ADAMTS6: variants seen among roughly 807,000 people sequenced by gnomAD.
The protein encoded by ADAMTS6 is ADAM metallopeptidase with thrombospondin type 1 motif 6.
In ADAMTS6, 23 loss-of-function variants were observed where a neutral mutation model predicts 144.3. The ratio of observed to expected loss-of-function variants is 0.16; its 90% CI spans 0.11 to 0.23. The LOEUF (loss-of-function observed/expected upper bound fraction) is 0.23. Among genes scored for constraint, ADAMTS6 ranks in the 10% least tolerant of loss-of-function variants. The pLI is 1.00. For missense variants in ADAMTS6, 999 were observed against 1,379.6 expected, an observed-to-expected ratio of 0.72 and a Z score of 4.37; for synonymous variants, 444 against 457.5, an observed-to-expected ratio of 0.97 and a Z score of 0.38.
intron 18 of ADAMTS6, among the ~76,000 whole-genome samples, chr5:65,222,929 T>G (rs1237056096): frequency 6.6e-6 from 1 of 151,300 alleles, no homozygotes; most frequent in Non-Finnish European, 1.5e-5. Context: ...GGAGAAAATA[T>G]CCATAAAATA....
chr5:65,469,719 T>TTCCTCCATTGTGTAGTTC (rs1297816688), intron 3 of ADAMTS6, among the ~76,000 whole-genome samples: 2 of 152,262 alleles, frequency 1.3e-5, no homozygotes, highest in Non-Finnish European at 2.9e-5. Context: ...GTGAAATGTT[T>TTCCTCCATTGTGTAGTTC]TCCTCCATTG....
intron 7 of ADAMTS6, among the ~76,000 whole-genome samples, chr5:65,379,815 C>G (rs983390249): frequency 6.6e-6 from 1 of 151,908 alleles, no homozygotes; most frequent in South Asian, 2.1e-4. Context: ...TGGGATCACA[C>G]GTATGCATGT....
At chr5:65,312,838 C>G (rs1247873382) in intron 9 of ADAMTS6, among the ~76,000 whole-genome samples, 2 of 151,902 alleles carry the variant, frequency 1.3e-5, no homozygotes, top group Non-Finnish European at 2.9e-5. Flanking sequence ...GATATACTAA[C>G]ATGTTGGGGT....
intron 22 of ADAMTS6, among the ~76,000 whole-genome samples, chr5:65,179,767 A>C (rs1754220497): frequency 6.6e-6 from 1 of 152,212 alleles, no homozygotes; most frequent in African/African-American, 2.4e-5. Flanking sequence ...ACACAGATTA[A>C]TGTTAAAAGT....
At chr5:65,269,192 T>C (rs1761868893) in intron 12 of ADAMTS6, among the ~76,000 whole-genome samples, 1 of 152,258 alleles carries the variant, frequency 6.6e-6, no homozygotes, top group Non-Finnish European at 1.5e-5. Context: ...GATACTCTAG[T>C]AATATGTTAG....
intron 22 of ADAMTS6, among the ~76,000 whole-genome samples, chr5:65,187,492 A>G (rs1754742897): frequency 6.6e-6 from 1 of 152,214 alleles, no homozygotes; most frequent in South Asian, 2.1e-4. Flanking sequence ...TAAAATATAT[A>G]GATAGGTCGT....
chr5:65,405,160 A>C (rs576772707), intron 7 of ADAMTS6, among the ~76,000 whole-genome samples: 1 of 151,890 alleles, frequency 6.6e-6, no homozygotes. Context: ...TTAGATCCCA[A>C]TTGTCAATTT....
chr5:65,471,182 A>G, intron 2 of ADAMTS6, 40 bp from the exon 3 acceptor site: 2 of 1,547,052 alleles, frequency 1.3e-6, no homozygotes, highest in Non-Finnish European at 1.7e-6. Context: ...AAAAAAACAC[A>G]TGGAAGAAAA....
At chr5:65,159,495 T>G (rs1190762603) in intron 24 of ADAMTS6, among the ~76,000 whole-genome samples, 1 of 152,220 alleles carries the variant, frequency 6.6e-6, no homozygotes, top group East Asian at 1.9e-4. Flanking sequence ...CCCCTGTGAC[T>G]GCACACACTT....
intron 7 of ADAMTS6, among the ~76,000 whole-genome samples, chr5:65,442,527 C>G (rs1346795943): frequency 6.6e-6 from 1 of 152,060 alleles, no homozygotes; most frequent in Admixed American, 6.6e-5. Flanking sequence ...AAAGAAGGAA[C>G]TATCTCATAA....
chr5:65,157,183 G>A (rs1257994451), intron 24 of ADAMTS6, among the ~76,000 whole-genome samples: 1 of 152,208 alleles, frequency 6.6e-6, no homozygotes, highest in Non-Finnish European at 1.5e-5. Flanking sequence ...GGTTTTGGTA[G>A]AGTTGAATGA....
At chr5:65,207,620 A>G (rs2112285996) in intron 20 of ADAMTS6, among the ~76,000 whole-genome samples, 1 of 152,374 alleles carries the variant, frequency 6.6e-6, no homozygotes, top group East Asian at 1.9e-4. Flanking sequence ...AAAGTAGGGT[A>G]GAAAATTATC....
chr5:65,388,460 G>T (rs949040468), intron 7 of ADAMTS6, among the ~76,000 whole-genome samples: 1 of 152,244 alleles, frequency 6.6e-6, no homozygotes, highest in Admixed American at 6.5e-5. Flanking sequence ...TAGGCAAGTT[G>T]TTTTAACAGA....
chr5:65,431,409 T>C (rs1483655128), intron 7 of ADAMTS6, among the ~76,000 whole-genome samples: 1 of 152,150 alleles, frequency 6.6e-6, no homozygotes. Flanking sequence ...AAATACTTCA[T>C]TTCATATGCC....
chr5:65,432,675 T>C (rs928575010), intron 7 of ADAMTS6, among the ~76,000 whole-genome samples: 2 of 152,120 alleles, frequency 1.3e-5, no homozygotes, highest in African/African-American at 4.8e-5. Context: ...TTTTGTTGAG[T>C]TTGTTTTAAC....
At chr5:65,328,341 C>G (rs1428672117) in intron 9 of ADAMTS6, among the ~76,000 whole-genome samples, 1 of 151,582 alleles carries the variant, frequency 6.6e-6, no homozygotes, top group East Asian at 1.9e-4. Flanking sequence ...TTTCCCCTAT[C>G]TATGACGCCA....
At chr5:65,457,184 T>G (rs1490455732) in intron 4 of ADAMTS6, among the ~76,000 whole-genome samples, 2 of 152,200 alleles carry the variant, frequency 1.3e-5, no homozygotes, top group Non-Finnish European at 2.9e-5. Context: ...CCAGTGAAGT[T>G]TTTCAAGGTG....
At chr5:65,446,844 T>G (rs2099330151) in intron 7 of ADAMTS6, among the ~76,000 whole-genome samples, 1 of 152,132 alleles carries the variant, frequency 6.6e-6, no homozygotes, top group African/African-American at 2.4e-5. Context: ...GAGGATGACT[T>G]CCTTTGGGAG....
At chr5:65,292,198 CTTAGT>C (rs1053406372) in intron 10 of ADAMTS6, among the ~76,000 whole-genome samples, 30 of 152,086 alleles carry the variant, frequency 2.0e-4, no homozygotes, top group Admixed American at 1.6e-3. Flanking sequence ...GACAAAATAC[CTTAGT>C]TTAAAGAGCT....
Sources: allele counts gnomAD v4.1 joint callset (sites outside exome capture counted in the v4.1 genomes callset), GRCh38; gene constraint gnomAD v4.1.1; transcripts MANE v1.5; gene names NCBI Gene and HGNC (gene_info 2026-07-23, HGNC 2026-07-21).